Variants in CCDC158 observed in about 807,000 individuals in gnomAD.
CCDC158 encodes the protein coiled-coil domain containing 158.
CCDC158 carries 116 observed loss-of-function variants against 138.6 expected under a neutral mutation model. That is an observed-to-expected ratio of 0.84 (90% confidence interval 0.72 to 0.98). The LOEUF (loss-of-function observed/expected upper bound fraction) is 0.98. Ranked by LOEUF, CCDC158 falls within the 50% of genes least tolerant of loss-of-function variation. The pLI, the probability that CCDC158 is intolerant of heterozygous loss-of-function variation, is 0.00. For synonymous variants in CCDC158, 436 were observed against 442.4 expected (o/e 0.99, Z 0.18); for missense variants, 1,265 against 1,306.1 (o/e 0.97, Z 0.48).
chr4:76,362,958 C>T (rs1434872236), intron 12 of CCDC158, among the ~76,000 whole-genome samples: 2 of 152,068 alleles, frequency 1.3e-5, no homozygotes, highest in Non-Finnish European at 1.5e-5. Context: ...AGCTGGTGTG[C>T]AGAAAGAGTT....
rs1222856877 is a variant in CCDC158 at position 76,340,085 on chromosome 4, T to C, written c.2665-5918A>G. ...AAAACTTGCTTACTTGTGTGACATA[T>C]TCAACTTGCTCAACAAAATCTATCA... On this transcript the variant is annotated intron_variant, in intron 18 of 24. Coordinates refer to ENST00000682701, the MANE Select transcript of CCDC158 (RefSeq NM_001394954.1). 3.9e-5 allele frequency among the ~76,000 whole-genome samples: 6 copies of C among 152,176 alleles called. 1 individual carries two copies. The highest frequency in any genetic ancestry group is 1.4e-4 in the African/African-American group (6 of 41,448).
At chr4:76,321,606 T>TTA (rs1433274143) in intron 24 of CCDC158, among the ~76,000 whole-genome samples, 3 of 146,638 alleles carry the variant, frequency 2.0e-5, no homozygotes, top group East Asian at 2.0e-4. Context: ...ATATAATATA[T>TTA]TATATATATA....
At chr4:76,351,992 T>C (rs1414929908) in intron 16 of CCDC158, 180 bp from the exon 17 acceptor site, 3 of 530,068 alleles carry the variant, frequency 5.7e-6, no homozygotes, top group Non-Finnish European at 9.9e-6. Context: ...GGAGGCCATG[T>C]TTTTATCCTC....
rs934023299 is a variant in CCDC158 at position 76,403,280 on chromosome 4, T to C, written c.-73A>G. 9 of 1,020,610 alleles carry C rather than the reference T, an allele frequency of 8.8e-6. No individual in the cohort carries two copies. The highest frequency in any genetic ancestry group is 5.1e-5 in the Admixed American group (2 of 39,512). 63.2% of individuals were successfully genotyped at this position (1,020,610 alleles called of 1,614,324 possible). A position where few individuals can be genotyped will look rare whatever the true frequency, so the allele number is the denominator to read the frequency against. Reference sequence around the variant, plus strand: ...CCCTCTTTGGTTCTTTTGGTTCCTGTCTATGAAAGACAGAGATTCAATCTT... The same window carrying C: ...CCCTCTTTGGTTCTTTTGGTTCCTGCCTATGAAAGACAGAGATTCAATCTT... On this transcript the variant is annotated splice_region_variant and 5_prime_UTR_variant, in exon 3 of 25. Transcript: ENST00000682701.
chr4:76,319,432 C>CAAAA (rs71659321), intron 24 of CCDC158, among the ~76,000 whole-genome samples: 1 of 23,946 alleles, frequency 4.2e-5, no homozygotes, highest in African/African-American at 2.0e-4. Context: ...GACTCCGTAT[C>CAAAA]AAAAAAAAAA....
intron 15 of CCDC158, among the ~76,000 whole-genome samples, chr4:76,354,438 T>C (rs28387036): frequency 0.026 from 4,027 of 152,272 alleles, 173 homozygotes; most frequent in African/African-American, 0.092. Flanking sequence ...GCAATTACTT[T>C]GGTTGCACTT....
In CCDC158 at chr4:76,355,399, TG is replaced by T; in HGVS notation, c.2210del (p.Thr737LysfsTer7). 2 of 1,613,902 alleles carry T rather than the reference TG, an allele frequency of 1.2e-6. No individual in the cohort carries two copies. The highest frequency in any genetic ancestry group is 1.7e-6 in the Non-Finnish European group (2 of 1,179,930). On this transcript the variant is annotated frameshift_variant, in exon 15 of 25. Coordinates refer to ENST00000682701, the MANE Select transcript of CCDC158 (RefSeq NM_001394954.1). LOFTEE classifies it high-confidence loss of function. The part of the protein sequence containing the change: ...KVAMGMQKQI[T>X]AKRGQIDALQ... ...GGGCATCTATCTGACCTCTTTTGGC[TG>T]TGATTTGCTTTTGCATCCCCATTGC...
intron 24 of CCDC158, among the ~76,000 whole-genome samples, chr4:76,321,825 C>G (rs1720043685): frequency 6.8e-6 from 1 of 147,570 alleles, no homozygotes. Flanking sequence ...ACTACTCAGC[C>G]ATAAAAAGGA....
intron 12 of CCDC158, among the ~76,000 whole-genome samples, chr4:76,366,789 A>G (rs769547564): frequency 2.0e-5 from 3 of 152,196 alleles, no homozygotes; most frequent in Non-Finnish European, 4.4e-5. Context: ...TAAATTTTAA[A>G]TTATTAAATA....
rs143296753 is a variant in CCDC158, at chr4:76,370,163, A to C, written c.1150-540T>G. On this transcript the variant is annotated intron_variant, in intron 10 of 24. Coordinates refer to ENST00000682701, the MANE Select transcript of CCDC158 (RefSeq NM_001394954.1). ...TCTAGTCAGACTAGTAAAAACAAAG[A>C]TATATCTACACTCAAATGACTTAGG... Among the ~76,000 whole-genome samples the C allele has an allele frequency of 5.1e-4, 77 of 152,284 alleles. 1 individual carries two copies. Among genetic ancestry groups the C allele is most frequent in the African/African-American group, 1.8e-3 (73 of 41,550 alleles).
intron 18 of CCDC158, chr4:76,344,589 C>G: frequency 7.9e-7 from 1 of 1,272,914 alleles, no homozygotes; most frequent in South Asian, 1.2e-5. Context: ...TGATCCCTCG[C>G]TTCAGGTTGA....
intron 9 of CCDC158, chr4:76,375,790 A>G: frequency 1.8e-6 from 1 of 566,024 alleles, no homozygotes; most frequent in South Asian, 2.4e-5. Context: ...ATTTTTTTGA[A>G]GTACAATTTC....
At chr4:76,326,548 T>C (rs1028716024) in intron 22 of CCDC158, among the ~76,000 whole-genome samples, 5 of 152,212 alleles carry the variant, frequency 3.3e-5, no homozygotes, top group African/African-American at 9.6e-5. Context: ...AAGTGAATTC[T>C]TCTTATCTGC....
chr4:76,325,752 C>T, intron 23 of CCDC158, 105 bp downstream of exon 23: 2 of 879,532 alleles, frequency 2.3e-6, no homozygotes, highest in African/African-American at 1.7e-5. Context: ...TTAGAGCTTA[C>T]ACATAAGAGC....
chr4:76,317,815 G>A (rs1719548182), intron 24 of CCDC158, among the ~76,000 whole-genome samples: 1 of 152,062 alleles, frequency 6.6e-6, no homozygotes, highest in African/African-American at 2.4e-5. Context: ...TATTCTCTCA[G>A]ACCACAGTGG....
intron 9 of CCDC158, chr4:76,375,254 T>G (rs1053429552): frequency 6.3e-6 from 2 of 318,652 alleles, no homozygotes; most frequent in African/African-American, 4.2e-5. Flanking sequence ...ATGCACTTTT[T>G]GGTTTGGATC....
intron 12 of CCDC158, among the ~76,000 whole-genome samples, chr4:76,362,518 C>T (rs1018966321): frequency 1.2e-4 from 19 of 152,138 alleles, no homozygotes; most frequent in Admixed American, 3.3e-4. Context: ...TATTATAAAG[C>T]ATCAATAGAA....
intron 3 of CCDC158, among the ~76,000 whole-genome samples, chr4:76,400,741 A>G (rs1324272037): frequency 1.3e-5 from 2 of 152,108 alleles, no homozygotes; most frequent in Non-Finnish European, 2.9e-5. Context: ...GAAAATCCAC[A>G]TTTGTGTATT....
chr4:76,385,552 G>T (rs926323697), intron 4 of CCDC158, among the ~76,000 whole-genome samples: 1 of 152,082 alleles, frequency 6.6e-6, no homozygotes, highest in East Asian at 1.9e-4. Context: ...TAGAAATGTT[G>T]CAAGTCAAGA....
Sources: allele counts gnomAD v4.1 joint callset (sites outside exome capture counted in the v4.1 genomes callset), GRCh38; gene constraint gnomAD v4.1.1; transcripts MANE v1.5; gene names NCBI Gene and HGNC (gene_info 2026-07-23, HGNC 2026-07-21).